Variants in CDH15 observed in about 807,000 individuals in gnomAD.
The protein encoded by CDH15 is cadherin-15.
A neutral mutation model predicts 69.4 loss-of-function variants in CDH15; 73 were observed. The ratio of observed to expected loss-of-function variants is 1.05; its 90% CI spans 0.87 to 1.28. The LOEUF (loss-of-function observed/expected upper bound fraction) is 1.28, where lower values mean the gene tolerates loss of function less well. Ranked by LOEUF, CDH15 falls within the 50% of genes most tolerant of loss-of-function variation. The probability of loss-of-function intolerance (pLI) is 0.00; values close to 1 mark genes in which losing one functional copy is unlikely to be tolerated. For missense variants in CDH15, 1,343 were observed against 1,133.6 expected, an observed-to-expected ratio of 1.18 and a Z score of -2.65; for synonymous variants, 624 against 507.7, an observed-to-expected ratio of 1.23 and a Z score of -3.08.
At chr16:89,193,660 C>T (rs1040113672) in intron 12 of CDH15, 54 bp downstream of exon 12, 11 of 1,566,672 alleles carry the variant, frequency 7.0e-6, no homozygotes, top group Middle Eastern at 1.8e-4. Flanking sequence ...AGGTCGCGGG[C>T]CTTCTTACAA....
At chr16:89,193,440 G>A in intron 11 of CDH15, 30 bp from the exon 12 acceptor site, 2 of 1,583,098 alleles carry the variant, frequency 1.3e-6, no homozygotes, top group Non-Finnish European at 1.7e-6. Flanking sequence ...CCCTGTGCCT[G>A]GCCCCAGCCT....
chr16:89,193,389 C>T (rs1252511466), intron 11 of CDH15, 81 bp from the exon 12 acceptor site: 3 of 1,148,344 alleles, frequency 2.6e-6, no homozygotes, highest in East Asian at 2.6e-5. Context: ...GCCCCGCCCC[C>T]TCCTCCCACC....
At chr16:89,178,524 C>A (rs1915305364) in intron 1 of CDH15, among the ~76,000 whole-genome samples, 1 of 152,116 alleles carries the variant, frequency 6.6e-6, no homozygotes, top group Admixed American at 6.5e-5. Context: ...CCAGCCATGT[C>A]CCTCTTGGCT....
intron 3 of CDH15, among the ~76,000 whole-genome samples, chr16:89,181,248 G>A (rs974389774): frequency 2.0e-5 from 3 of 152,174 alleles, no homozygotes; most frequent in South Asian, 2.1e-4. Flanking sequence ...CCCAGTGGCC[G>A]CCACTGTTCT....
At chr16:89,194,012 C>T (rs1915727835) in intron 13 of CDH15, 99 bp downstream of exon 13, 3 of 1,340,662 alleles carry the variant, frequency 2.2e-6, no homozygotes, top group East Asian at 2.5e-5. Flanking sequence ...GAACCGGCGC[C>T]TGCATGCACT....
rs121434539 is a variant in CDH15, at chr16:89,179,551, C to T, written c.178C>T (p.Arg60Cys). ...PPISVSENHK[R>C]LPYPLVQIKS... ...GATCAGCGTATCCGAGAACCACAAG[C>T]GTCTCCCCTACCCCCTGGTTCAGGT... Residue 60 changes from arginine (R) to cysteine (C), a missense_variant, in exon 2 of 14, where the codon CGT (arginine) becomes TGT (cysteine). Physicochemically the swap from Arg to Cys is radical, Grantham distance 180 (BLOSUM62 -3). Transcript: ENST00000289746. 5.3e-5 allele frequency: 85 copies of T among 1,606,632 alleles called. No homozygotes were observed. The highest frequency in any genetic ancestry group is 5.1e-5 in the Admixed American group (3 of 59,360).
rs769357903 is a variant in CDH15 at position 89,180,222 on chromosome 16, T to C, written c.224T>C (p.Leu75Pro). ...LVQIKSDKQQ[L>P]GSVIYSIQGP... is the part of the protein sequence containing the mutation. ...CAGATCAAGTCGGACAAGCAGCAGC[T>C]GGGCAGCGTCATCTACAGCATCCAG... The change falls in exon 3 of 14, where the codon CTG (leucine) becomes CCG (proline). Residue 75 changes from leucine (L) to proline (P), a missense_variant. By Grantham distance (98) the Leu-to-Pro change is moderately conservative (BLOSUM62 -3). Coordinates refer to ENST00000289746, the MANE Select transcript of CDH15 (RefSeq NM_004933.3). 1 of 1,610,914 alleles carries C rather than the reference T, an allele frequency of 6.2e-7. No homozygotes were observed.
intron 3 of CDH15, among the ~76,000 whole-genome samples, chr16:89,180,572 G>A (rs996143835): frequency 9.2e-5 from 14 of 152,226 alleles, no homozygotes; most frequent in African/African-American, 1.4e-4. Context: ...CCATTTAACT[G>A]GAGGGCAGAC....
Position 89,194,982 on chromosome 16 carries a change from G to C in CDH15, c.2272G>C (p.Asp758His), listed in dbSNP as rs762117025. ...TLSSILSSQG[D>H]EDQDYDYLRD... ...GAGCTCCATCCTGTCCAGCCAGGGC[G>C]ATGAGGACCAGGACTACGACTACCT... Residue 758 changes from aspartate (D) to histidine (H), a missense_variant, in exon 14 of 14, where the codon GAT becomes CAT. Transcript: ENST00000289746. The C allele has an allele frequency of 2.5e-6, 4 of 1,611,502 alleles. No individual in the cohort carries two copies. The African/African-American group carries it at 5.3e-5, about 21-fold the overall frequency.
intron 6 of CDH15, 71 bp downstream of exon 6, chr16:89,187,628 A>G (rs1915519709): frequency 1.3e-6 from 2 of 1,594,878 alleles, no homozygotes; most frequent in East Asian, 2.2e-5. Flanking sequence ...GCTCCTGCAG[A>G]AGGCAGCGGG....
At chr16:89,179,071 A>C (rs900825550) in intron 1 of CDH15, among the ~76,000 whole-genome samples, 8 of 151,886 alleles carry the variant, frequency 5.3e-5, no homozygotes, top group African/African-American at 1.7e-4. Flanking sequence ...CCCTAGCGCT[A>C]CCTCCCAGTG....
intron 1 of CDH15, 98 bp from the exon 2 acceptor site, chr16:89,179,318 C>T (rs969239811): frequency 1.4e-5 from 19 of 1,385,654 alleles, no homozygotes; most frequent in African/African-American, 5.7e-5. Flanking sequence ...GGAAACACTG[C>T]GCCCCGTGGC....
intron 1 of CDH15, among the ~76,000 whole-genome samples, chr16:89,173,172 G>T (rs1915192658): frequency 6.6e-6 from 1 of 152,128 alleles, no homozygotes; most frequent in Non-Finnish European, 1.5e-5. Flanking sequence ...TCACCCCCCG[G>T]CCCTCCACCC....
At chr16:89,181,644 AAAG>A (rs1409726332) in intron 3 of CDH15, among the ~76,000 whole-genome samples, 2 of 151,724 alleles carry the variant, frequency 1.3e-5, no homozygotes, top group African/African-American at 4.9e-5. Context: ...CTCAAAAAAA[AAAG>A]AAGAAAAGAG....
chr16:89,188,138 T>A lies in CDH15; in HGVS notation c.831T>A (p.Asp277Glu), dbSNP rs761243719. Residue 277 changes from aspartate (D) to glutamate (E), a missense_variant, in exon 7 of 14, where the codon GAT (aspartate) becomes GAA (glutamate). Physicochemically the swap from Asp to Glu is conservative, Grantham distance 45 (BLOSUM62 2). Transcript: ENST00000289746. Reference protein sequence around the residue: ...MEAIEAVSGVDVGRLEVEDRD... With the variant: ...MEAIEAVSGVEVGRLEVEDRD... ...CCATAGAGGCCGTCAGCGGAGTGGA[T>A]GTGGGACGCCTGGAAGTGGAGGACA... 3.7e-6 allele frequency: 6 copies of A among 1,613,200 alleles called. No homozygotes were observed. The highest frequency in any genetic ancestry group is 4.2e-6 in the Non-Finnish European group (5 of 1,179,786).
chr16:89,171,980 C>A, intron 1 of CDH15, 107 bp downstream of exon 1: 2 of 1,244,390 alleles, frequency 1.6e-6, no homozygotes, highest in Non-Finnish European at 2.3e-6. Context: ...TGGCCCTGGT[C>A]GCCTTTGGGG....
chr16:89,172,325 C>T (rs1018544740), intron 1 of CDH15, among the ~76,000 whole-genome samples: 17 of 152,246 alleles, frequency 1.1e-4, no homozygotes, highest in African/African-American at 3.4e-4. Flanking sequence ...GGGTTTTGTC[C>T]AAACCCCCCA....
chr16:89,189,495 G>C (rs1915590838), intron 7 of CDH15, among the ~76,000 whole-genome samples: 1 of 152,244 alleles, frequency 6.6e-6, no homozygotes, highest in African/African-American at 2.4e-5. Context: ...CCTTGGGTGA[G>C]AGAGAGTGGG....
chr16:89,194,420 C>G (rs1471364246), intron 13 of CDH15, among the ~76,000 whole-genome samples: 1 of 152,194 alleles, frequency 6.6e-6, no homozygotes, highest in African/African-American at 2.4e-5. Flanking sequence ...GGTGTACACC[C>G]CCGGTTAGGA....
Sources: allele counts gnomAD v4.1 joint callset (sites outside exome capture counted in the v4.1 genomes callset), GRCh38; gene constraint gnomAD v4.1.1; transcripts MANE v1.5; gene names NCBI Gene and HGNC (gene_info 2026-07-23, HGNC 2026-07-21).